PIAS1: variants seen among roughly 807,000 people sequenced by gnomAD.
The protein encoded by PIAS1 is E3 SUMO-protein ligase PIAS1.
A neutral mutation model predicts 71.3 loss-of-function variants in PIAS1; 6 were observed. The observed-to-expected ratio is 0.08, with a 90% CI of 0.05 to 0.17. The LOEUF (loss-of-function observed/expected upper bound fraction) is 0.17. Among genes scored for constraint, PIAS1 ranks in the 10% least tolerant of loss-of-function variants. The probability of loss-of-function intolerance (pLI) is 1.00; values close to 1 mark genes in which losing one functional copy is unlikely to be tolerated. For synonymous variants in PIAS1, 303 were observed against 292.9 expected (o/e 1.03, Z -0.35); for missense variants, 555 against 793.6 (o/e 0.70, Z 3.61).
intron 2 of PIAS1, among the ~76,000 whole-genome samples, chr15:68,125,287 T>G (rs1162281629): frequency 1.3e-5 from 2 of 152,210 alleles, no homozygotes; most frequent in African/African-American, 4.8e-5. Flanking sequence ...TTTCATGTTC[T>G]ATGAGAATTC....
chr15:68,176,673 A>G lies in PIAS1; in HGVS notation c.1481+19A>G. On this transcript the variant is annotated intron_variant, in intron 11 of 13. Coordinates refer to ENST00000249636, the MANE Select transcript of PIAS1 (RefSeq NM_016166.3). ...ATAAAGGGTAAGTGCTGAGACATTT[A>G]AAAAAAAAAGTAATCATGAAAATTA... 1 of 1,095,336 alleles carries G rather than the reference A, an allele frequency of 9.1e-7. No individual in the cohort carries two copies. The highest frequency in any genetic ancestry group is 2.1e-5 in the South Asian group (1 of 47,948). The allele number at this position is 1,095,336 out of a possible 1,614,324, so 67.9% of individuals were successfully genotyped here.
chr15:68,055,984 T>C, intron 1 of PIAS1: 1 of 689,898 alleles, frequency 1.4e-6, no homozygotes, highest in Non-Finnish European at 2.6e-6. Context: ...AGAGCAGATT[T>C]ACAATGGATG....
intron 2 of PIAS1, among the ~76,000 whole-genome samples, chr15:68,110,661 C>T (rs913073123): frequency 1.3e-5 from 2 of 151,858 alleles, no homozygotes; most frequent in African/African-American, 4.8e-5. Flanking sequence ...ACTCAAGAGG[C>T]TGAGGTGCAA....
chr15:68,170,723 C>T (rs1033027431), intron 8 of PIAS1, among the ~76,000 whole-genome samples: 2 of 152,136 alleles, frequency 1.3e-5, no homozygotes, highest in African/African-American at 2.4e-5. Flanking sequence ...TCACGGTAAC[C>T]TCTGCCTCCC....
intron 2 of PIAS1, among the ~76,000 whole-genome samples, chr15:68,113,667 T>C (rs967753820): frequency 6.6e-6 from 1 of 152,082 alleles, no homozygotes; most frequent in African/African-American, 2.4e-5. Context: ...AGGAATAATG[T>C]AAAGTTAGAA....
intron 2 of PIAS1, among the ~76,000 whole-genome samples, chr15:68,139,520 C>T (rs950049082): frequency 1.3e-5 from 2 of 152,068 alleles, no homozygotes; most frequent in African/African-American, 4.8e-5. Flanking sequence ...ATTCCCAGTA[C>T]AAAGAAATGG....
intron 7 of PIAS1, among the ~76,000 whole-genome samples, chr15:68,160,116 A>T (rs2092915016): frequency 6.6e-6 from 1 of 152,072 alleles, no homozygotes; most frequent in Non-Finnish European, 1.5e-5. Flanking sequence ...AGCTTCTTTG[A>T]TGAAGTATCT....
chr15:68,187,902 T>C lies in PIAS1; in HGVS notation c.*67T>C. 1 of 1,446,450 alleles carries C rather than the reference T, an allele frequency of 6.9e-7. No homozygotes were observed. Among genetic ancestry groups the C allele is most frequent in the Non-Finnish European group, 9.5e-7 (1 of 1,051,752 alleles). 89.6% of individuals were successfully genotyped at this position (1,446,450 alleles called of 1,614,324 possible). A position where few individuals can be genotyped will look rare whatever the true frequency, so the allele number is the denominator to read the frequency against. ...GAACTTGGCAGAAAGAAGAGAACTT[T>C]GTGCTCTGTTTTACCTTACTCTGTT... On this transcript the variant is annotated 3_prime_UTR_variant, in exon 14 of 14. Coordinates refer to ENST00000249636, the MANE Select transcript of PIAS1 (RefSeq NM_016166.3). The surrounding 1 kb of genome is among the most constrained non-coding windows in gnomAD (Gnocchi z 5.3).
At chr15:68,132,716 G>A (rs2092696476) in intron 2 of PIAS1, among the ~76,000 whole-genome samples, 1 of 151,970 alleles carries the variant, frequency 6.6e-6, no homozygotes, top group Non-Finnish European at 1.5e-5. Context: ...CAATTTGAGT[G>A]GCAAAATAGA....
At chr15:68,156,849 T>TA (rs1356752497) in intron 7 of PIAS1, among the ~76,000 whole-genome samples, 7 of 150,544 alleles carry the variant, frequency 4.6e-5, no homozygotes, top group African/African-American at 1.7e-4. Context: ...AGCAGAGGAG[T>TA]AAATGACACG....
rs192207748 is a variant in PIAS1 at position 68,091,135 on chromosome 15, A to G, written c.469+4385A>G. On this transcript the variant is annotated intron_variant, in intron 2 of 13. Coordinates refer to ENST00000249636, the MANE Select transcript of PIAS1 (RefSeq NM_016166.3). ...GAAATACCTTATTGCTTAGTGTGCCAATATTGGTGTTGATGAGGTGTGAAA... is the reference window on the plus strand; with the variant it reads ...GAAATACCTTATTGCTTAGTGTGCCGATATTGGTGTTGATGAGGTGTGAAA... Among the ~76,000 whole-genome samples the G allele has an allele frequency of 1.2e-4, 18 of 152,284 alleles. No individual in the cohort carries two copies. The East Asian group carries it at 2.9e-3, about 24-fold the overall frequency.
chr15:68,081,448 G>A (rs1287604866), intron 1 of PIAS1, among the ~76,000 whole-genome samples: 1 of 152,082 alleles, frequency 6.6e-6, no homozygotes, highest in Non-Finnish European at 1.5e-5. Context: ...TCTTAACTAT[G>A]TATGCACAGC....
Position 68,185,110 on chromosome 15 carries a change from G to A in PIAS1, c.1662+1443G>A, listed in dbSNP as rs186410229. 2 of 152,398 alleles carry A rather than the reference G, an allele frequency of 1.3e-5. No homozygotes were observed. Among genetic ancestry groups the A allele is most frequent in the East Asian group, 3.9e-4 (2 of 5,190 alleles). The allele number at this position is 152,398 out of a possible 1,614,324, so 9.4% of individuals were successfully genotyped here. On this transcript the variant is annotated intron_variant, in intron 13 of 13. Transcript: ENST00000249636. The surrounding 1 kb of genome is among the most constrained non-coding windows in gnomAD (Gnocchi z 4.4). ...GTGATCTTCATCCCAATATCAAAGT[G>A]TTGTGTCTCCTTCCATATACCACCT...
At chr15:68,071,213 C>T (rs369045401) in intron 1 of PIAS1, among the ~76,000 whole-genome samples, 5 of 135,426 alleles carry the variant, frequency 3.7e-5, no homozygotes, top group African/African-American at 8.0e-5. Context: ...CCCGCCCCCC[C>T]GCCCCTACCT....
At position 68,054,481 on chromosome 15, in the gene PIAS1, G is replaced by T; in HGVS notation, c.24+131G>T. On this transcript the variant is annotated intron_variant, in intron 1 of 13. Coordinates refer to ENST00000249636, the MANE Select transcript of PIAS1 (RefSeq NM_016166.3). This position sits in a 1 kb window ranked among gnomAD's most constrained non-coding sequence, Gnocchi z 4.6. ...ACCCGGGCCTGGAGTTGTAGGGAGA[G>T]AGGCGCGCCCGGTCTCAGCAGAGGG... 1.0e-6 allele frequency: 1 copy of T among 972,432 alleles called. No homozygotes were observed. The highest frequency in any genetic ancestry group is 1.5e-6 in the Non-Finnish European group (1 of 654,454). The allele number at this position is 972,432 out of a possible 1,614,324, so 60.2% of individuals were successfully genotyped here.
chr15:68,158,253 A>G (rs1243712334), intron 7 of PIAS1, among the ~76,000 whole-genome samples: 2 of 152,140 alleles, frequency 1.3e-5, no homozygotes, highest in Non-Finnish European at 2.9e-5. Flanking sequence ...CCTGCTTATT[A>G]CTTTCCAGGG....
At chr15:68,165,437 A>C (rs1201886876) in intron 8 of PIAS1, among the ~76,000 whole-genome samples, 3 of 152,186 alleles carry the variant, frequency 2.0e-5, no homozygotes, top group Non-Finnish European at 4.4e-5. Context: ...TTTACTTAAG[A>C]TAGTACCTTT....
At position 68,108,787 on chromosome 15, in the gene PIAS1, C is replaced by T. The variant is rs556226418; in HGVS notation, c.469+22037C>T. ...CTGACTCTTCTCTTTTGTTATGTTC[C>T]AGTTTCATTAGTTAGGATGTTTTAT... On this transcript the variant is annotated intron_variant, in intron 2 of 13. Coordinates refer to ENST00000249636, the MANE Select transcript of PIAS1 (RefSeq NM_016166.3). 7.2e-5 allele frequency among the ~76,000 whole-genome samples: 11 copies of T among 152,170 alleles called. No individual in the cohort carries two copies. The South Asian group carries it at 2.3e-3, about 32-fold the overall frequency.
Position 68,088,176 on chromosome 15 carries a change from G to GTATATA in PIAS1, c.469+1446_469+1451dup, listed in dbSNP as rs71455574. Among the ~76,000 whole-genome samples the GTATATA allele has an allele frequency of 6.8e-3, 499 of 72,982 alleles. 16 individuals carry two copies. Among genetic ancestry groups the GTATATA allele is most frequent in the African/African-American group, 0.02 (321 of 16,136 alleles). The allele number at this position is 72,982 out of a possible 152,430, so 47.9% of individuals were successfully genotyped here. A position where few individuals can be genotyped will look rare whatever the true frequency, so the allele number is the denominator to read the frequency against. ...TTCTTGTCTGTCTGATTATGTGTGT[G>GTATATA]TATATATATATATATATATATATAT... On this transcript the variant is annotated intron_variant, in intron 2 of 13. Transcript: ENST00000249636.
Sources: allele counts gnomAD v4.1 joint callset (sites outside exome capture counted in the v4.1 genomes callset), GRCh38; gene constraint gnomAD v4.1.1; non-coding constraint Gnocchi (gnomAD v3.1); transcripts MANE v1.5; gene names NCBI Gene and HGNC (gene_info 2026-07-23, HGNC 2026-07-21).